The following ROBO2 variants were observed in gnomAD, a reference collection of about 807,000 sequenced individuals.
ROBO2 encodes the protein roundabout homolog 2.
A neutral mutation model predicts 160.8 loss-of-function variants in ROBO2; 53 were observed. The ratio of observed to expected loss-of-function variants is 0.33; its 90% CI spans 0.26 to 0.41. ROBO2 has a LOEUF of 0.41. Ranked by LOEUF, ROBO2 falls within the 10% of genes least tolerant of loss-of-function variation. ROBO2 has a pLI of 1.00. For synonymous variants in ROBO2, 664 were observed against 611.7 expected, an observed-to-expected ratio of 1.09 and a Z score of -1.26; for missense variants, 1,577 against 1,722.4, an observed-to-expected ratio of 0.92 and a Z score of 1.49.
intron 2 of ROBO2, among the ~76,000 whole-genome samples, chr3:76,438,030 C>T (rs2109083990): frequency 6.6e-6 from 1 of 152,268 alleles, no homozygotes; most frequent in South Asian, 2.1e-4. Context: ...TAAGCATATA[C>T]AGTTCCAGGA....
intron 2 of ROBO2, among the ~76,000 whole-genome samples, chr3:76,870,508 G>A (rs2071914930): frequency 6.6e-6 from 1 of 152,204 alleles, no homozygotes; most frequent in African/African-American, 2.4e-5. Flanking sequence ...TCCATGAGAT[G>A]TGTGAGGATT....
intron 2 of ROBO2, among the ~76,000 whole-genome samples, chr3:77,158,888 A>T (rs981676810): frequency 1.3e-5 from 2 of 152,142 alleles, no homozygotes; most frequent in East Asian, 3.9e-4. Flanking sequence ...GCATCAATAG[A>T]AAAACACATC....
chr3:77,090,148 A>G (rs887294672), intron 1 of ROBO2, among the ~76,000 whole-genome samples: 18 of 152,122 alleles, frequency 1.2e-4, no homozygotes, highest in African/African-American at 4.3e-4. Flanking sequence ...GCAAAGATAA[A>G]CTATTGACTA....
intron 1 of ROBO2, among the ~76,000 whole-genome samples, chr3:77,044,283 A>T (rs1374483695): frequency 1.3e-5 from 2 of 152,184 alleles, no homozygotes; most frequent in Middle Eastern, 3.2e-3. Context: ...CACATTGTAT[A>T]AGTTGGGATA....
intron 2 of ROBO2, chr3:76,435,315 A>G (rs17736312): frequency 0.45 from 385,843 of 866,088 alleles, 90,485 homozygotes; most frequent in South Asian, 0.51. Flanking sequence ...CTAGATGAAC[A>G]CCCTCATTCC....
chr3:77,184,046 A>G (rs917114258), intron 2 of ROBO2, among the ~76,000 whole-genome samples: 5 of 152,006 alleles, frequency 3.3e-5, no homozygotes, highest in Non-Finnish European at 7.4e-5. Context: ...AACCTCCAGG[A>G]TAAAAATATT....
intron 2 of ROBO2, among the ~76,000 whole-genome samples, chr3:76,350,652 C>A (rs1014036547): frequency 1.3e-5 from 2 of 151,866 alleles, no homozygotes; most frequent in African/African-American, 4.8e-5. Context: ...AGTCTGAAAG[C>A]ATTAATTACT....
At position 76,958,941 on chromosome 3, in the gene ROBO2, C is replaced by G. The variant is rs549332035; in HGVS notation, c.110-139073C>G. On this transcript the variant is annotated intron_variant, in intron 2 of 26. Transcript: ENST00000487694. Reference sequence around the variant, plus strand: ...TTCTTTAATACAAATTTCTCCCCACCACTTCTCCTAGGTCAGATTTTACAG... The same window carrying G: ...TTCTTTAATACAAATTTCTCCCCACGACTTCTCCTAGGTCAGATTTTACAG... Among the ~76,000 whole-genome samples, 16 of 152,270 alleles carry G rather than the reference C, an allele frequency of 1.1e-4. No homozygotes were observed. The South Asian group carries it at 3.3e-3, about 32-fold the overall frequency.
chr3:76,573,867 T>C (rs1425929924), intron 2 of ROBO2, among the ~76,000 whole-genome samples: 1 of 152,102 alleles, frequency 6.6e-6, no homozygotes, highest in Non-Finnish European at 1.5e-5. Flanking sequence ...TTGAGTAACA[T>C]TTCGTCCTAT....
At chr3:77,587,219 A>G (rs2094074301) in intron 16 of ROBO2, among the ~76,000 whole-genome samples, 1 of 152,052 alleles carries the variant, frequency 6.6e-6, no homozygotes, top group African/African-American at 2.4e-5. Context: ...TTTCTGTCCA[A>G]CAGTGAGGAA....
intron 2 of ROBO2, among the ~76,000 whole-genome samples, chr3:77,354,853 A>T (rs538072965): frequency 6.6e-6 from 1 of 152,346 alleles, no homozygotes; most frequent in South Asian, 2.1e-4. Flanking sequence ...GTTGAGAAGT[A>T]GACAGGCCAG....
At position 76,238,842 on chromosome 3, in the gene ROBO2, G is replaced by A. The variant is rs145985420; in HGVS notation, c.109+301240G>A. On this transcript the variant is annotated intron_variant, in intron 2 of 26. Transcript: ENST00000487694. ...TTATAGTTCAAGATGAGATTTGGGT[G>A]AGGACACAAAGCCTAACCATATCAC... Among the ~76,000 whole-genome samples, 538 of 152,324 alleles carry A rather than the reference G, an allele frequency of 3.5e-3. 7 individuals carry two copies. The highest frequency in any genetic ancestry group is 0.025 in the Admixed American group (377 of 15,298).
At chr3:76,156,574 A>G (rs1395967309) in intron 2 of ROBO2, among the ~76,000 whole-genome samples, 1 of 152,218 alleles carries the variant, frequency 6.6e-6, no homozygotes, top group Non-Finnish European at 1.5e-5. Context: ...AAAAGGTACA[A>G]TTGTGTTTGT....
chr3:76,497,313 A>C (rs1403445876), intron 2 of ROBO2, among the ~76,000 whole-genome samples: 5 of 152,036 alleles, frequency 3.3e-5, no homozygotes, highest in African/African-American at 1.2e-4. Context: ...CTCCCACATC[A>C]GCCTCCCAAG....
chr3:76,433,878 C>A (rs1267562582), intron 2 of ROBO2: 2 of 576,790 alleles, frequency 3.5e-6, no homozygotes, highest in Non-Finnish European at 6.3e-6. Flanking sequence ...TATCTATTTT[C>A]TTTGAAGTTT....
intron 6 of ROBO2, among the ~76,000 whole-genome samples, chr3:77,533,272 A>G (rs913434935): frequency 1.3e-5 from 2 of 152,024 alleles, no homozygotes; most frequent in African/African-American, 4.8e-5. Context: ...ATCCTCCTTT[A>G]TACTCCCTGC....
At chr3:76,437,262 T>C (rs965037280) in intron 2 of ROBO2, among the ~76,000 whole-genome samples, 1 of 152,148 alleles carries the variant, frequency 6.6e-6, no homozygotes, top group African/African-American at 2.4e-5. Flanking sequence ...GAATCACATA[T>C]GAATAATGAC....
intron 2 of ROBO2, among the ~76,000 whole-genome samples, chr3:77,447,159 C>T (rs960581772): frequency 2.0e-5 from 3 of 152,090 alleles, no homozygotes; most frequent in Admixed American, 1.3e-4. Flanking sequence ...TTAATTGATA[C>T]TACACCTTGA....
intron 2 of ROBO2, among the ~76,000 whole-genome samples, chr3:77,302,897 T>C (rs1281028779): frequency 6.6e-6 from 1 of 152,118 alleles, no homozygotes; most frequent in Non-Finnish European, 1.5e-5. Context: ...TAAATCCCCA[T>C]AGGATAAAGT....
Sources: allele counts gnomAD v4.1 joint callset (sites outside exome capture counted in the v4.1 genomes callset), GRCh38; gene constraint gnomAD v4.1.1; transcripts MANE v1.5; gene names NCBI Gene and HGNC (gene_info 2026-07-23, HGNC 2026-07-21).